Variants in FSIP1 observed in about 807,000 individuals in gnomAD.
FSIP1 encodes the protein fibrous sheath-interacting protein 1.
A neutral mutation model predicts 60.9 loss-of-function variants in FSIP1; 65 were observed. The ratio of observed to expected loss-of-function variants is 1.07; its 90% CI spans 0.87 to 1.31. The LOEUF (loss-of-function observed/expected upper bound fraction) is 1.31, where lower values mean the gene tolerates loss of function less well. Ranked by LOEUF, FSIP1 falls within the 40% of genes most tolerant of loss-of-function variation. The pLI is 0.00. For synonymous variants in FSIP1, 209 were observed against 221.2 expected (o/e 0.94, Z 0.49); for missense variants, 675 against 665.5 (o/e 1.01, Z -0.16).
At chr15:39,618,764 C>T (rs1298359338) in intron 10 of FSIP1, among the ~76,000 whole-genome samples, 1 of 152,166 alleles carries the variant, frequency 6.6e-6, no homozygotes, top group Non-Finnish European at 1.5e-5. Context: ...AGTGTTTCAA[C>T]CAAGACCTTA....
chr15:39,770,508 A>G lies in FSIP1; in HGVS notation c.229T>C (p.Ser77Pro). 6.2e-7 allele frequency: 1 copy of G among 1,611,966 alleles called. No homozygotes were observed. Among genetic ancestry groups the G allele is most frequent in the East Asian group, 2.2e-5 (1 of 44,766 alleles). Residue 77 changes from serine to proline, a missense_variant, in exon 3 of 12, where the codon TCT becomes CCT. Physicochemically the swap from Ser to Pro is moderately conservative, Grantham distance 74. Transcript: ENST00000350221. Reference protein sequence around the residue: ...TSNDDKQESCSEKIKLAEEGS... With the variant: ...TSNDDKQESCPEKIKLAEEGS... Reference sequence around the variant, plus strand: ...TCTTCAGCCAATTTTATTTTCTCAGAGCAGCTTTCCTGCTTATCATCATTA... The same window carrying G: ...TCTTCAGCCAATTTTATTTTCTCAGGGCAGCTTTCCTGCTTATCATCATTA...
chr15:39,772,439 G>A (rs566287946), intron 2 of FSIP1, among the ~76,000 whole-genome samples: 9 of 151,430 alleles, frequency 5.9e-5, no homozygotes, highest in African/African-American at 1.2e-4. Context: ...AACCACAGGC[G>A]CATGCCACCA....
At chr15:39,707,443 C>T (rs78383204) in intron 10 of FSIP1, among the ~76,000 whole-genome samples, 2,335 of 152,218 alleles carry the variant, frequency 0.015, 51 homozygotes, top group African/African-American at 0.053. Flanking sequence ...CTCTTCATCT[C>T]TCATCCTGCC....
At chr15:39,620,857 C>T (rs1234795961) in intron 10 of FSIP1, among the ~76,000 whole-genome samples, 6 of 150,778 alleles carry the variant, frequency 4.0e-5, no homozygotes, top group Admixed American at 2.6e-4. Context: ...CCACCCACCT[C>T]GGCCTCCCAA....
At position 39,707,211 on chromosome 15, in the gene FSIP1, C is replaced by T. The variant is rs8039894; in HGVS notation, c.1188+6233G>A. On this transcript the variant is annotated intron_variant, in intron 10 of 11. Transcript: ENST00000350221. ...GGACTGCTGAGGGCTGTCAGAGAAA[C>T]CTTTCAGCCTTCCTGACTGGCTCCA... Among the ~76,000 whole-genome samples, 219 of 152,276 alleles carry T rather than the reference C, an allele frequency of 1.4e-3. 1 individual carries two copies. Among genetic ancestry groups the T allele is most frequent in the African/African-American group, 5.1e-3 (212 of 41,546 alleles).
rs541212633 is a variant in FSIP1 at position 39,675,812 on chromosome 15, G to T, written c.1188+37632C>A. Among the ~76,000 whole-genome samples the T allele has an allele frequency of 2.6e-4, 39 of 152,218 alleles. No individual in the cohort carries two copies. In the South Asian group the frequency reaches 5.6e-3, roughly 22 times the overall value. ...TCTGCATTTCATCAAGATGAAGTGA[G>T]ATGCAAATAGATAAAACCACAACTG... On this transcript the variant is annotated intron_variant, in intron 10 of 11. Coordinates refer to ENST00000350221, the MANE Select transcript of FSIP1 (RefSeq NM_152597.5).
chr15:39,751,419 ACAC>A (rs1566913450), intron 5 of FSIP1, among the ~76,000 whole-genome samples: 7 of 484 alleles, frequency 0.014, 1 homozygote, highest in African/African-American at 0.11. Flanking sequence ...TAATACATAA[ACAC>A]ACACACACAC....
intron 10 of FSIP1, among the ~76,000 whole-genome samples, chr15:39,666,931 T>A (rs147074006): frequency 6.6e-5 from 10 of 152,242 alleles, no homozygotes; most frequent in African/African-American, 2.4e-4. Flanking sequence ...AGCACACTTA[T>A]GACTGTGAGG....
chr15:39,666,865 G>A, intron 10 of FSIP1, among the ~76,000 whole-genome samples: 1 of 152,306 alleles, frequency 6.6e-6, no homozygotes, highest in Middle Eastern at 3.4e-3. Flanking sequence ...TATAAAAATA[G>A]ATGTCCATTT....
intron 5 of FSIP1, among the ~76,000 whole-genome samples, chr15:39,751,418 AAC>A (rs3065153): frequency 0.25 from 36,104 of 144,550 alleles, 4,507 homozygotes; most frequent in Middle Eastern, 0.31. Context: ...GTAATACATA[AAC>A]ACACACACAC....
In FSIP1 at chr15:39,736,921, G is replaced by A. The variant is rs777915312; in HGVS notation, c.891+1170C>T. Among the ~76,000 whole-genome samples the A allele has an allele frequency of 5.9e-5, 9 of 152,120 alleles. No homozygotes were observed. In the South Asian group the frequency reaches 6.2e-4, roughly 11 times the overall value. ...TTAGGTAAGGGGCCTAGGGTGGGGA[G>A]GGAGTGATATCCTGGGCTGTTTGGC... is the stretch of plus-strand genomic sequence containing the variant. On this transcript the variant is annotated intron_variant, in intron 8 of 11. Transcript: ENST00000350221.
At chr15:39,624,758 G>C (rs1306846913) in intron 10 of FSIP1, among the ~76,000 whole-genome samples, 1 of 152,170 alleles carries the variant, frequency 6.6e-6, no homozygotes, top group Non-Finnish European at 1.5e-5. Context: ...GGGTCCTGGG[G>C]GCCAGGGACA....
At chr15:39,742,021 C>A in intron 5 of FSIP1, 121 bp from the exon 6 acceptor site, 2 of 568,240 alleles carry the variant, frequency 3.5e-6, no homozygotes, top group East Asian at 5.7e-5. Context: ...CCCCTCCACA[C>A]ACATAAATTT....
At chr15:39,769,843 T>G (rs1897822370) in intron 3 of FSIP1, among the ~76,000 whole-genome samples, 1 of 152,144 alleles carries the variant, frequency 6.6e-6, no homozygotes, top group South Asian at 2.1e-4. Flanking sequence ...TTTTATACCA[T>G]CAGTGCAAAT....
rs1353287185 is a variant in FSIP1, at chr15:39,600,728, A to C, written c.*152T>G. The C allele has an allele frequency of 1.8e-6, 1 of 567,066 alleles. No individual in the cohort carries two copies. Among genetic ancestry groups the C allele is most frequent in the East Asian group, 3.2e-5 (1 of 30,982 alleles). 35.1% of individuals were successfully genotyped at this position (567,066 alleles called of 1,614,324 possible). A position where few individuals can be genotyped will look rare whatever the true frequency, so the allele number is the denominator to read the frequency against. On this transcript the variant is annotated 3_prime_UTR_variant, in exon 12 of 12. Coordinates refer to ENST00000350221, the MANE Select transcript of FSIP1 (RefSeq NM_152597.5). ...TTACACCCCAAGTCTCAAAAATATC[A>C]AGGAAATATAATCCACAAAGAGCGA...
chr15:39,744,727 AGTCT>A (rs35653532), intron 5 of FSIP1, among the ~76,000 whole-genome samples: 10,911 of 144,360 alleles, frequency 0.076, 479 homozygotes, highest in Middle Eastern at 0.22. Flanking sequence ...AGGCTGAAGT[AGTCT>A]GTCTGTCTGT....
chr15:39,673,530 T>G (rs1482520391), intron 10 of FSIP1, among the ~76,000 whole-genome samples: 1 of 152,006 alleles, frequency 6.6e-6, no homozygotes, highest in African/African-American at 2.4e-5. Context: ...TGCCTAGCCT[T>G]GTCTCAGACT....
At chr15:39,736,022 C>G (rs76915840) in intron 8 of FSIP1, among the ~76,000 whole-genome samples, 2,279 of 152,248 alleles carry the variant, frequency 0.015, 66 homozygotes, top group African/African-American at 0.053. Context: ...GATGGACCTG[C>G]CTGAAGCTGT....
At chr15:39,654,638 G>C (rs1893001461) in intron 10 of FSIP1, among the ~76,000 whole-genome samples, 1 of 152,232 alleles carries the variant, frequency 6.6e-6, no homozygotes, top group Non-Finnish European at 1.5e-5. Flanking sequence ...GGAAGCAAGA[G>C]CATATATTCT....
Sources: allele counts gnomAD v4.1 joint callset (sites outside exome capture counted in the v4.1 genomes callset), GRCh38; gene constraint gnomAD v4.1.1; transcripts MANE v1.5; gene names NCBI Gene and HGNC (gene_info 2026-07-23, HGNC 2026-07-21).